KYAT3: variants seen among roughly 807,000 people sequenced by gnomAD.
KYAT3 encodes kynurenine aminotransferase 3, also known as kynurenine--oxoglutarate transaminase 3.
Under a neutral mutation model 59.0 loss-of-function variants are expected in KYAT3, and 50 were observed. The ratio of observed to expected loss-of-function variants is 0.85; its 90% confidence interval spans 0.68 to 1.07. The LOEUF (loss-of-function observed/expected upper bound fraction) is 1.07, where lower values mean the gene tolerates loss of function less well. Among genes scored for constraint, KYAT3 ranks in the 50% least tolerant of loss-of-function variants. KYAT3 has a pLI of 0.00. For missense variants in KYAT3, 497 were observed against 533.3 expected, an observed-to-expected ratio of 0.93 and a Z score of 0.67; for synonymous variants, 148 against 177.0, an observed-to-expected ratio of 0.84 and a Z score of 1.30.
chr1:88,955,874 T>A (rs1283782052), intron 8 of KYAT3, among the ~76,000 whole-genome samples: 2 of 152,164 alleles, frequency 1.3e-5, no homozygotes. Flanking sequence ...TGTATGGGCG[T>A]GTGTTTTGCT....
chr1:88,942,592 G>A (rs955207384), intron 13 of KYAT3, among the ~76,000 whole-genome samples: 31 of 151,362 alleles, frequency 2.0e-4, no homozygotes, highest in Admixed American at 1.6e-3. Context: ...AGACGGAGTC[G>A]CGCTCTGTTG....
the KYAT3 span, among the ~76,000 whole-genome samples, chr1:88,924,270 G>A: frequency 6.6e-6 from 1 of 152,214 alleles, no homozygotes; most frequent in Non-Finnish European, 1.5e-5. Flanking sequence ...CAAAAGCCCA[G>A]CTCCCTTCAC....
At chr1:88,929,718 A>G in the KYAT3 span, among the ~76,000 whole-genome samples, 1 of 152,212 alleles carries the variant, frequency 6.6e-6, no homozygotes, top group Non-Finnish European at 1.5e-5. Flanking sequence ...CTCTGCTCAC[A>G]ACAGGTTAAA....
chr1:88,973,776 T>G (rs1570817594), intron 2 of KYAT3, among the ~76,000 whole-genome samples: 1 of 152,204 alleles, frequency 6.6e-6, no homozygotes, highest in African/African-American at 2.4e-5. Flanking sequence ...TAAAAAAGTT[T>G]GGACAGATCG....
At chr1:88,988,531 G>A (rs573543475) in intron 1 of KYAT3, among the ~76,000 whole-genome samples, 180 bp from the exon 2 acceptor site, 1 of 152,188 alleles carries the variant, frequency 6.6e-6, no homozygotes, top group East Asian at 1.9e-4. Flanking sequence ...ATCACTGGAG[G>A]CATTCTAATA....
Position 88,942,313 on chromosome 1 carries a change from G to A in KYAT3, c.1302+692C>T, listed in dbSNP as rs148597121. ...CTCTCTGTTCACTTATTATTACCAC[G>A]TTTTCATCTAATTTCTTAAACATAC... On this transcript the variant is annotated intron_variant, in intron 13 of 13. Transcript: ENST00000260508. Among the ~76,000 whole-genome samples the A allele has an allele frequency of 2.1e-3, 322 of 149,932 alleles. 2 individuals are homozygous for A. The highest frequency in any genetic ancestry group is 6.3e-3 in the South Asian group (30 of 4,744).
At chr1:88,971,188 A>T (rs1424669849) in intron 2 of KYAT3, among the ~76,000 whole-genome samples, 6 of 152,222 alleles carry the variant, frequency 3.9e-5, no homozygotes, top group Admixed American at 3.3e-4. Flanking sequence ...TACATAAAAA[A>T]GTGAGTTTGA....
At chr1:88,952,168 A>G (rs982727258) in intron 10 of KYAT3, among the ~76,000 whole-genome samples, 1 of 152,252 alleles carries the variant, frequency 6.6e-6, no homozygotes, top group Non-Finnish European at 1.5e-5. Context: ...TTATAGCACC[A>G]GTAGGAAACT....
At chr1:88,964,347 T>C (rs898991220) in intron 5 of KYAT3, among the ~76,000 whole-genome samples, 9 of 152,350 alleles carry the variant, frequency 5.9e-5, no homozygotes, top group African/African-American at 2.2e-4. Context: ...TCTTTTTCCC[T>C]GGCAGTGTTA....
chr1:88,962,708 A>G lies in KYAT3; in HGVS notation c.454-563T>C, dbSNP rs933426628. Among the ~76,000 whole-genome samples the G allele has an allele frequency of 1.9e-4, 29 of 152,162 alleles. 1 individual carries two copies. The highest frequency in any genetic ancestry group is 6.3e-4 in the African/African-American group (26 of 41,446). On this transcript the variant is annotated intron_variant, in intron 5 of 13. Coordinates refer to ENST00000260508, the MANE Select transcript of KYAT3 (RefSeq NM_001008661.3). The stretch of plus-strand genomic sequence containing the variant: ...GAGATGGGGTTTCGCCGTGTTGCCC[A>G]GGCTGGTCTCAAACTCCTAACCTCA...
At chr1:88,947,340 C>T (rs957546663) in intron 11 of KYAT3, among the ~76,000 whole-genome samples, 2 of 152,212 alleles carry the variant, frequency 1.3e-5, no homozygotes, top group Non-Finnish European at 2.9e-5. Context: ...TCCCCACCTG[C>T]TGGTTGAGTG....
At chr1:88,939,972 C>T (rs796864632) in intron 13 of KYAT3, among the ~76,000 whole-genome samples, 7 of 152,000 alleles carry the variant, frequency 4.6e-5, no homozygotes, top group South Asian at 2.1e-4. Flanking sequence ...TTTTTTTGGG[C>T]GAATATTCTC....
At chr1:88,949,344 G>A (rs1018443853) in intron 10 of KYAT3, 67 bp from the exon 11 acceptor site, 38 of 1,148,908 alleles carry the variant, frequency 3.3e-5, no homozygotes, top group African/African-American at 1.6e-5. Flanking sequence ...TAGTTTATTG[G>A]TATAATAAAT....
chr1:88,988,352 C>T lies in KYAT3; in HGVS notation c.-1-1G>A. 6.2e-7 allele frequency: 1 copy of T among 1,601,100 alleles called. No individual in the cohort carries two copies. The highest frequency in any genetic ancestry group is 1.3e-5 in the African/African-American group (1 of 74,588). ...GAGGCTCCTCTGGGCCAAAAACATGCTATTAAATAAAAGAAAAATTGAGAA... is the reference window on the plus strand; with the variant it reads ...GAGGCTCCTCTGGGCCAAAAACATGTTATTAAATAAAAGAAAAATTGAGAA... On this transcript the variant is annotated splice_acceptor_variant, in intron 1 of 13. Coordinates refer to ENST00000260508, the MANE Select transcript of KYAT3 (RefSeq NM_001008661.3). LOFTEE classifies it low-confidence loss of function (5UTR_SPLICE).
At chr1:88,962,587 G>A (rs977334362) in intron 5 of KYAT3, among the ~76,000 whole-genome samples, 1 of 152,218 alleles carries the variant, frequency 6.6e-6, no homozygotes, top group African/African-American at 2.4e-5. Context: ...ACACTGTAAT[G>A]TTCCCTGGTA....
intron 2 of KYAT3, chr1:88,983,392 T>A: frequency 6.2e-7 from 1 of 1,614,158 alleles, no homozygotes; most frequent in Non-Finnish European, 8.5e-7. Context: ...CTGGGAGTGG[T>A]CCCCTGGAAG....
rs1675014819 is a variant in KYAT3, at chr1:88,935,848, G to A, written c.*335C>T. On this transcript the variant is annotated 3_prime_UTR_variant, in exon 14 of 14. Transcript: ENST00000260508. ...ATTAGTCCATTTAATTCTCAGAAAC[G>A]ACCTTCATATGAAACAGGTACTGAT... 1 of 406,572 alleles carries A rather than the reference G, an allele frequency of 2.5e-6. No individual in the cohort carries two copies. The highest frequency in any genetic ancestry group is 3.5e-5 in the East Asian group (1 of 28,954). The allele number at this position is 406,572 out of a possible 1,614,324, so 25.2% of individuals were successfully genotyped here. A position where few individuals can be genotyped will look rare whatever the true frequency, so the allele number is the denominator to read the frequency against.
At chr1:88,983,998 T>C (rs1677284543) in intron 2 of KYAT3, 1 of 561,884 alleles carries the variant, frequency 1.8e-6, no homozygotes, top group Non-Finnish European at 3.2e-6. Context: ...GGTATGGCTA[T>C]CCATTCAAAA....
Position 88,941,845 on chromosome 1 carries a change from C to T in KYAT3, c.1302+1160G>A, listed in dbSNP as rs1362063559. 3.3e-5 allele frequency among the ~76,000 whole-genome samples: 5 copies of T among 152,208 alleles called. No individual in the cohort carries two copies. In the South Asian group the frequency reaches 8.3e-4, roughly 25 times the overall value. On this transcript the variant is annotated intron_variant, in intron 13 of 13. Coordinates refer to ENST00000260508, the MANE Select transcript of KYAT3 (RefSeq NM_001008661.3). The stretch of plus-strand genomic sequence containing the variant: ...AGGCATGAGCCACTACACCTGACCT[C>T]TGGCTGCCTTTAATATCTTATCTTC...
Sources: gnomAD v4.1 joint callset for allele counts (sites outside exome capture counted in the v4.1 genomes callset) on GRCh38, gnomAD v4.1.1 for gene constraint, MANE v1.5 for transcripts, NCBI Gene and HGNC (gene_info 2026-07-23, HGNC 2026-07-21) for gene names.